The following ST6GALNAC3 variants were observed in gnomAD, a reference collection of about 807,000 sequenced individuals.
The protein encoded by ST6GALNAC3 is alpha-N-acetylgalactosaminide alpha-2,6-sialyltransferase 3.
In ST6GALNAC3, 25 loss-of-function variants were observed where a neutral mutation model predicts 32.7. The ratio of observed to expected loss-of-function variants is 0.76; its 90% CI spans 0.56 to 1.07. The LOEUF is 1.07. Ranked by LOEUF, ST6GALNAC3 falls within the 50% of genes least tolerant of loss-of-function variation. ST6GALNAC3 has a pLI of 0.00. For missense variants in ST6GALNAC3, 355 were observed against 382.4 expected (o/e 0.93, Z 0.60); for synonymous variants, 129 against 133.1 (o/e 0.97, Z 0.21).
chr1:76,468,930 A>C (rs951573505), intron 3 of ST6GALNAC3, among the ~76,000 whole-genome samples: 1 of 151,934 alleles, frequency 6.6e-6, no homozygotes, highest in African/African-American at 2.4e-5. Flanking sequence ...TCATGCAGGA[A>C]AAAATAATTT....
In ST6GALNAC3 at chr1:76,171,700, A is replaced by G. The variant is rs566023407; in HGVS notation, c.18+96816A>G. On this transcript the variant is annotated intron_variant, in intron 1 of 4. Transcript: ENST00000328299. ...ACTAGAAAATTTAGAAGAAATGGAT[A>G]AATTCCTGGACACATACACCCTACC... Among the ~76,000 whole-genome samples the G allele has an allele frequency of 2.6e-5, 4 of 152,184 alleles. No homozygotes were observed. In the East Asian group the frequency reaches 7.7e-4, roughly 29 times the overall value.
intron 1 of ST6GALNAC3, among the ~76,000 whole-genome samples, chr1:76,152,218 G>A (rs958997986): frequency 2.0e-5 from 3 of 152,124 alleles, no homozygotes; most frequent in Admixed American, 6.5e-5. Flanking sequence ...TGTCATTGTC[G>A]TGTTGTAAGT....
At chr1:76,422,925 A>C (rs960392152) in intron 3 of ST6GALNAC3, among the ~76,000 whole-genome samples, 1 of 151,940 alleles carries the variant, frequency 6.6e-6, no homozygotes, top group African/African-American at 2.4e-5. Flanking sequence ...CTTTCTTAAG[A>C]TCTTGCTCCT....
chr1:76,222,645 A>G (rs1346633853), intron 1 of ST6GALNAC3, among the ~76,000 whole-genome samples: 3 of 151,728 alleles, frequency 2.0e-5, no homozygotes, highest in African/African-American at 7.2e-5. Context: ...CATGTACCCT[A>G]AAACTTAAAG....
At chr1:76,504,023 A>G (rs1661330960) in intron 3 of ST6GALNAC3, among the ~76,000 whole-genome samples, 1 of 152,166 alleles carries the variant, frequency 6.6e-6, no homozygotes, top group Non-Finnish European at 1.5e-5. Context: ...TGTTGCTGAT[A>G]TTTGTATTAG....
chr1:76,391,589 C>T (rs1310556299), intron 2 of ST6GALNAC3, among the ~76,000 whole-genome samples: 2 of 41,166 alleles, frequency 4.9e-5, no homozygotes, highest in Non-Finnish European at 9.5e-5. Context: ...TTCCCTTTCA[C>T]CTTCCCCTTC....
At chr1:76,603,050 C>A (rs1427852773) in intron 3 of ST6GALNAC3, among the ~76,000 whole-genome samples, 1 of 152,134 alleles carries the variant, frequency 6.6e-6, no homozygotes, top group African/African-American at 2.4e-5. Flanking sequence ...TTTACACTCA[C>A]CAGATTGGCA....
intron 1 of ST6GALNAC3, among the ~76,000 whole-genome samples, chr1:76,155,429 A>G (rs953915861): frequency 2.0e-5 from 3 of 152,174 alleles, no homozygotes; most frequent in African/African-American, 7.2e-5. Context: ...CAGAAAAACT[A>G]TGAATATAGC....
chr1:76,314,938 T>G (rs1429177917), intron 2 of ST6GALNAC3, among the ~76,000 whole-genome samples: 2 of 152,136 alleles, frequency 1.3e-5, no homozygotes, highest in Non-Finnish European at 2.9e-5. Context: ...AGAGTTATTC[T>G]TAGCATTCTG....
intron 3 of ST6GALNAC3, among the ~76,000 whole-genome samples, chr1:76,506,871 T>C (rs1002277274): frequency 2.4e-4 from 37 of 152,170 alleles, no homozygotes; most frequent in African/African-American, 8.7e-4. Flanking sequence ...TAAATATATA[T>C]GAATGTTGAC....
intron 2 of ST6GALNAC3, among the ~76,000 whole-genome samples, chr1:76,332,674 A>G (rs4408196): frequency 6.6e-6 from 1 of 152,100 alleles, no homozygotes; most frequent in African/African-American, 2.4e-5. Flanking sequence ...TGTAGTCCTT[A>G]CGACCATTCA....
chr1:76,391,526 T>A (rs750859886), intron 2 of ST6GALNAC3, among the ~76,000 whole-genome samples: 3 of 1,990 alleles, frequency 1.5e-3, no homozygotes, highest in Non-Finnish European at 3.7e-3. Context: ...GGAAAGACCT[T>A]CCTTCCTTCC....
chr1:76,405,253 C>T (rs1653739282), intron 2 of ST6GALNAC3, among the ~76,000 whole-genome samples: 1 of 152,062 alleles, frequency 6.6e-6, no homozygotes, highest in Non-Finnish European at 1.5e-5. Flanking sequence ...ATAACTAGAA[C>T]CAGTTGACAG....
intron 1 of ST6GALNAC3, among the ~76,000 whole-genome samples, chr1:76,162,449 A>G (rs1651871189): frequency 6.6e-6 from 1 of 152,212 alleles, no homozygotes; most frequent in Non-Finnish European, 1.5e-5. Flanking sequence ...TGTCAGGCAC[A>G]CCTGGCTGAA....
Position 76,630,587 on chromosome 1 carries a change from C to G in ST6GALNAC3, c.*1781C>G. On this transcript the variant is annotated 3_prime_UTR_variant, in exon 5 of 5. Coordinates refer to ENST00000328299, the MANE Select transcript of ST6GALNAC3 (RefSeq NM_152996.4). ...GTTTTGGAAACTGGAAGTAATGATACATTTCACTTCAGAAGCACTTGTAGG... is the reference window on the plus strand; with the variant it reads ...GTTTTGGAAACTGGAAGTAATGATAGATTTCACTTCAGAAGCACTTGTAGG... 1 of 985,492 alleles carries G rather than the reference C, an allele frequency of 1.0e-6. No individual in the cohort carries two copies. The highest frequency in any genetic ancestry group is 1.2e-6 in the Non-Finnish European group (1 of 829,818). The allele number at this position is 985,492 out of a possible 1,614,324, so 61.0% of individuals were successfully genotyped here.
chr1:76,375,624 T>C (rs1425928326), intron 2 of ST6GALNAC3, among the ~76,000 whole-genome samples: 1 of 152,000 alleles, frequency 6.6e-6, no homozygotes, highest in African/African-American at 2.4e-5. Flanking sequence ...AGGTAAATGG[T>C]TGGGGAGGGG....
intron 3 of ST6GALNAC3, among the ~76,000 whole-genome samples, chr1:76,505,414 G>A (rs1035315375): frequency 1.3e-5 from 2 of 152,136 alleles, no homozygotes; most frequent in Non-Finnish European, 2.9e-5. Context: ...GAGCCACTGC[G>A]CCTGGCCACC....
intron 1 of ST6GALNAC3, among the ~76,000 whole-genome samples, chr1:76,309,734 C>T (rs1032481693): frequency 2.6e-5 from 4 of 152,050 alleles, no homozygotes; most frequent in Admixed American, 2.0e-4. Context: ...GAGCTGGGGG[C>T]CTGAGCTGCA....
At chr1:76,325,698 T>C (rs964867128) in intron 2 of ST6GALNAC3, among the ~76,000 whole-genome samples, 5 of 150,166 alleles carry the variant, frequency 3.3e-5, no homozygotes, top group African/African-American at 1.2e-4. Flanking sequence ...TCCTGTGAGC[T>C]CTGACAATCT....
Sources: allele counts gnomAD v4.1 joint callset (sites outside exome capture counted in the v4.1 genomes callset), GRCh38; gene constraint gnomAD v4.1.1; transcripts MANE v1.5; gene names NCBI Gene and HGNC (gene_info 2026-07-23, HGNC 2026-07-21).